The following CNTNAP2 variants were observed in gnomAD, a reference collection of about 807,000 sequenced individuals.
CNTNAP2 encodes the protein contactin-associated protein-like 2.
Under a neutral mutation model 155.2 loss-of-function variants are expected in CNTNAP2, and 98 were observed. That is an observed-to-expected ratio of 0.63 (90% confidence interval 0.54 to 0.75). The LOEUF is 0.75. Ranked by LOEUF, CNTNAP2 falls within the 30% of genes least tolerant of loss-of-function variation. The probability of loss-of-function intolerance (pLI) is 0.00; values close to 1 mark genes in which losing one functional copy is unlikely to be tolerated. For missense variants in CNTNAP2, 1,727 were observed against 1,688.1 expected, an observed-to-expected ratio of 1.02 and a Z score of -0.40; for synonymous variants, 651 against 631.2, an observed-to-expected ratio of 1.03 and a Z score of -0.47.
rs17578327 is a variant in CNTNAP2, at chr7:146,224,152, A to G, written c.97+107179A>G. Among the ~76,000 whole-genome samples, 1,449 of 152,272 alleles carry G rather than the reference A, an allele frequency of 9.5e-3. 9 individuals are homozygous for G. Among genetic ancestry groups the G allele is most frequent in the Non-Finnish European group, 0.016 (1,098 of 68,034 alleles). On this transcript the variant is annotated intron_variant, in intron 1 of 23. Transcript: ENST00000361727. ...CAGTTAGGAAATGCAGCAGATGCCA[A>G]TAAGTACATTCATTATTTTGATTAT... is the stretch of plus-strand genomic sequence containing the variant.
chr7:148,172,511 G>A (rs1274748876), intron 18 of CNTNAP2, 33 bp downstream of exon 18: 1 of 1,580,858 alleles, frequency 6.3e-7, no homozygotes, highest in East Asian at 2.2e-5. Context: ...AGCCACTTTT[G>A]CGTGTCTTTT....
intron 15 of CNTNAP2, among the ~76,000 whole-genome samples, chr7:147,997,075 T>C (rs1801815978): frequency 6.6e-6 from 1 of 152,186 alleles, no homozygotes; most frequent in African/African-American, 2.4e-5. Flanking sequence ...AAAGTAGACC[T>C]TCATCAGATA....
intron 8 of CNTNAP2, among the ~76,000 whole-genome samples, chr7:147,236,337 C>A (rs1803803106): frequency 6.6e-6 from 1 of 152,122 alleles, no homozygotes; most frequent in Admixed American, 6.5e-5. Flanking sequence ...CCATGCCTGG[C>A]TAATTCTCTA....
At chr7:146,359,018 C>T (rs978021138) in intron 1 of CNTNAP2, among the ~76,000 whole-genome samples, 2 of 152,194 alleles carry the variant, frequency 1.3e-5, no homozygotes, top group African/African-American at 4.8e-5. Context: ...CTTCTCTTTG[C>T]TGTGGTTCAT....
chr7:147,727,842 A>G (rs866215162), intron 13 of CNTNAP2, among the ~76,000 whole-genome samples: 1 of 150,906 alleles, frequency 6.6e-6, no homozygotes, highest in Non-Finnish European at 1.5e-5. Context: ...TGGGAGTATG[A>G]GGGACTTGGA....
At chr7:148,308,535 A>G (rs1797529945) in intron 21 of CNTNAP2, among the ~76,000 whole-genome samples, 1 of 147,638 alleles carries the variant, frequency 6.8e-6, no homozygotes, top group African/African-American at 2.5e-5. Context: ...ATTTTTTTCC[A>G]TTTTAACCTA....
At chr7:146,304,987 C>T (rs1455208344) in intron 1 of CNTNAP2, among the ~76,000 whole-genome samples, 4 of 151,880 alleles carry the variant, frequency 2.6e-5, no homozygotes, top group Non-Finnish European at 5.9e-5. Context: ...CTTTTTTTCT[C>T]TAAACTTCTC....
chr7:148,283,892 A>G (rs1469950088), intron 21 of CNTNAP2, among the ~76,000 whole-genome samples: 2 of 152,206 alleles, frequency 1.3e-5, no homozygotes, highest in East Asian at 3.8e-4. Context: ...TACACACATA[A>G]AGCAAGGTAA....
chr7:147,549,444 T>C (rs1236169747), intron 11 of CNTNAP2, among the ~76,000 whole-genome samples: 1 of 152,186 alleles, frequency 6.6e-6, no homozygotes, highest in East Asian at 1.9e-4. Flanking sequence ...TTTTGCACAT[T>C]GATTTTGTAT....
chr7:147,691,205 G>A (rs1584902351), intron 13 of CNTNAP2, among the ~76,000 whole-genome samples: 1 of 151,986 alleles, frequency 6.6e-6, no homozygotes, highest in Admixed American at 6.6e-5. Context: ...TCTGAAAAAA[G>A]ATTTTCTCAA....
intron 13 of CNTNAP2, among the ~76,000 whole-genome samples, chr7:147,899,634 T>C (rs546655685): frequency 6.6e-6 from 1 of 152,040 alleles, no homozygotes; most frequent in African/African-American, 2.4e-5. Context: ...CCTGTAATCT[T>C]CGCACTTTGA....
chr7:146,457,115 A>G (rs1277816518), intron 1 of CNTNAP2, among the ~76,000 whole-genome samples: 1 of 152,184 alleles, frequency 6.6e-6, no homozygotes, highest in East Asian at 1.9e-4. Context: ...CAAGCCTGAG[A>G]GGATCAGAAT....
intron 19 of CNTNAP2, among the ~76,000 whole-genome samples, chr7:148,220,921 G>A (rs916991928): frequency 6.6e-6 from 1 of 152,038 alleles, no homozygotes; most frequent in African/African-American, 2.4e-5. Flanking sequence ...AAGAACCTTG[G>A]GTTTCTTCTC....
chr7:147,213,386 C>T (rs1418733792), intron 8 of CNTNAP2, among the ~76,000 whole-genome samples: 1 of 152,082 alleles, frequency 6.6e-6, no homozygotes, highest in Non-Finnish European at 1.5e-5. Flanking sequence ...CACAGGCACA[C>T]CCAAAAATAA....
Position 148,399,802 on chromosome 7 carries a change from G to A in CNTNAP2, c.3716-9589G>A, listed in dbSNP as rs377675783. Reference sequence around the variant, plus strand: ...ATCATTAAATTCACACAAATGATTCGGCCAAGGGAAAAAGGACAAGGTTCT... The same window carrying A: ...ATCATTAAATTCACACAAATGATTCAGCCAAGGGAAAAAGGACAAGGTTCT... On this transcript the variant is annotated intron_variant, in intron 22 of 23. Coordinates refer to ENST00000361727, the MANE Select transcript of CNTNAP2 (RefSeq NM_014141.6). Among the ~76,000 whole-genome samples, 14 of 152,168 alleles carry A rather than the reference G, an allele frequency of 9.2e-5. No homozygotes were observed. In the South Asian group the frequency reaches 1.2e-3, roughly 14 times the overall value.
chr7:147,403,764 C>G (rs1274689536), intron 10 of CNTNAP2, among the ~76,000 whole-genome samples: 1 of 152,024 alleles, frequency 6.6e-6, no homozygotes, highest in Non-Finnish European at 1.5e-5. Flanking sequence ...ATCCCAGAAC[C>G]TACTTTATAT....
intron 10 of CNTNAP2, among the ~76,000 whole-genome samples, chr7:147,447,328 G>A (rs1797757403): frequency 6.6e-6 from 1 of 152,096 alleles, no homozygotes; most frequent in Non-Finnish European, 1.5e-5. Context: ...ATTTGTTTAG[G>A]AACATACTTA....
At chr7:146,441,718 C>T (rs1237859341) in intron 1 of CNTNAP2, among the ~76,000 whole-genome samples, 2 of 151,450 alleles carry the variant, frequency 1.3e-5, no homozygotes, top group African/African-American at 2.5e-5. Flanking sequence ...TGGAGCTCCT[C>T]TCAGCATCGC....
intron 3 of CNTNAP2, among the ~76,000 whole-genome samples, chr7:147,023,250 C>T (rs1388105623): frequency 6.6e-6 from 1 of 152,008 alleles, no homozygotes; most frequent in African/African-American, 2.4e-5. Context: ...CCTACATGTG[C>T]TAACATTTGT....
Sources: allele counts gnomAD v4.1 joint callset (sites outside exome capture counted in the v4.1 genomes callset), GRCh38; gene constraint gnomAD v4.1.1; transcripts MANE v1.5; gene names NCBI Gene and HGNC (gene_info 2026-07-23, HGNC 2026-07-21).